Variants in DLC1 observed in about 807,000 individuals in gnomAD.
DLC1 encodes rho GTPase-activating protein 7.
A neutral mutation model predicts 140.3 loss-of-function variants in DLC1; 54 were observed. The observed-to-expected ratio is 0.38, with a 90% CI of 0.31 to 0.48. The LOEUF (loss-of-function observed/expected upper bound fraction) is 0.48, where lower values mean the gene tolerates loss of function less well. DLC1 is among the 20% of genes least tolerant of loss of function. The pLI is 0.96. For synonymous variants in DLC1, 986 were observed against 728.1 expected (o/e 1.35, Z -5.70); for missense variants, 2,536 against 1,907.0 (o/e 1.33, Z -6.14).
At chr8:13,412,804 A>T (rs1021728716) in intron 2 of DLC1, among the ~76,000 whole-genome samples, 2 of 151,450 alleles carry the variant, frequency 1.3e-5, no homozygotes, top group African/African-American at 2.4e-5. Context: ...TGGTGGTGGG[A>T]GCCTGTAGTC....
chr8:13,506,013 G>C (rs1042214507), intron 1 of DLC1, among the ~76,000 whole-genome samples: 3 of 152,000 alleles, frequency 2.0e-5, no homozygotes, highest in Non-Finnish European at 4.4e-5. Context: ...TCAAATGCAG[G>C]TATCTTATTT....
intron 5 of DLC1, among the ~76,000 whole-genome samples, chr8:13,223,408 C>A (rs1047023037): frequency 2.6e-5 from 4 of 152,136 alleles, no homozygotes; most frequent in African/African-American, 9.7e-5. Flanking sequence ...AATCTGTTTG[C>A]CTCTGTGAAG....
At chr8:13,526,586 G>T (rs1585243083) in intron 1 of DLC1, among the ~76,000 whole-genome samples, 1 of 152,024 alleles carries the variant, frequency 6.6e-6, no homozygotes, top group Non-Finnish European at 1.5e-5. Flanking sequence ...AAAATTCTAT[G>T]CAGCCATAAA....
intron 2 of DLC1, among the ~76,000 whole-genome samples, chr8:13,438,404 T>A (rs1208972870): frequency 6.6e-6 from 1 of 152,308 alleles, no homozygotes; most frequent in East Asian, 1.9e-4. Flanking sequence ...CTTGCATTCT[T>A]TTTTGTTTCT....
At chr8:13,129,294 C>T (rs1420931342) in intron 5 of DLC1, among the ~76,000 whole-genome samples, 2 of 152,200 alleles carry the variant, frequency 1.3e-5, no homozygotes, top group Non-Finnish European at 2.9e-5. Flanking sequence ...GAAATAGAGA[C>T]AGTTGTGAAA....
At chr8:13,164,880 G>T (rs1189338035) in intron 5 of DLC1, among the ~76,000 whole-genome samples, 2 of 152,166 alleles carry the variant, frequency 1.3e-5, no homozygotes, top group African/African-American at 4.8e-5. Context: ...GTTATGAAAT[G>T]GAATCTGAAT....
At chr8:13,363,481 A>T (rs1835337627) in intron 4 of DLC1, among the ~76,000 whole-genome samples, 1 of 152,116 alleles carries the variant, frequency 6.6e-6, no homozygotes, top group South Asian at 2.1e-4. Flanking sequence ...CAGGTCATAA[A>T]GCTGGTGACA....
intron 1 of DLC1, among the ~76,000 whole-genome samples, chr8:13,547,575 A>G (rs957465128): frequency 3.9e-5 from 6 of 152,032 alleles, no homozygotes; most frequent in Non-Finnish European, 7.4e-5. Flanking sequence ...ATTGCTCTCA[A>G]TGTTATAAAG....
intron 4 of DLC1, among the ~76,000 whole-genome samples, chr8:13,306,248 T>C (rs1277610333): frequency 6.6e-6 from 1 of 152,188 alleles, no homozygotes; most frequent in Non-Finnish European, 1.5e-5. Flanking sequence ...TGTTATGATT[T>C]TTAAAAATAG....
intron 5 of DLC1, among the ~76,000 whole-genome samples, chr8:13,220,453 G>A (rs146089319): frequency 2.1e-3 from 316 of 152,226 alleles, no homozygotes; most frequent in African/African-American, 6.8e-3. Flanking sequence ...TCGAAGTAAG[G>A]ATTAATTTAA....
intron 5 of DLC1, among the ~76,000 whole-genome samples, chr8:13,185,095 T>G (rs935435195): frequency 1.3e-5 from 2 of 151,492 alleles, no homozygotes; most frequent in African/African-American, 4.9e-5. Flanking sequence ...AAGTCTGTTT[T>G]ATCAGAGACT....
chr8:13,307,933 T>A (rs1308772747), intron 4 of DLC1, among the ~76,000 whole-genome samples: 1 of 152,216 alleles, frequency 6.6e-6, no homozygotes, highest in Non-Finnish European at 1.5e-5. Context: ...GGTCTTATGA[T>A]AAGACATTTA....
chr8:13,374,306 T>G (rs995623202), intron 4 of DLC1, among the ~76,000 whole-genome samples: 181 of 106,942 alleles, frequency 1.7e-3, no homozygotes, highest in Non-Finnish European at 2.4e-3. Flanking sequence ...TCAAATTCTT[T>G]TTTTTTAATG....
intron 5 of DLC1, among the ~76,000 whole-genome samples, chr8:13,160,017 G>T (rs1328796232): frequency 6.6e-6 from 1 of 152,096 alleles, no homozygotes; most frequent in Non-Finnish European, 1.5e-5. Context: ...AATTAGCCGG[G>T]TGTCCTGGCA....
intron 5 of DLC1, among the ~76,000 whole-genome samples, chr8:13,245,967 G>A (rs1196536604): frequency 2.0e-5 from 3 of 152,148 alleles, no homozygotes; most frequent in Non-Finnish European, 4.4e-5. Context: ...CCCTCAAAGT[G>A]CTGGGATTAC....
At chr8:13,092,534 C>T (rs1030245940) in intron 13 of DLC1, 78 bp downstream of exon 13, 4 of 1,504,706 alleles carry the variant, frequency 2.7e-6, no homozygotes, top group African/African-American at 2.7e-5. Flanking sequence ...AAGAGTCCCA[C>T]AAAACCACAG....
chr8:13,375,058 G>A (rs1268781961), intron 4 of DLC1, among the ~76,000 whole-genome samples: 1 of 137,524 alleles, frequency 7.3e-6, no homozygotes, highest in Non-Finnish European at 1.5e-5. Context: ...GACGGAGTCT[G>A]GCTCTGTCGC....
At chr8:13,579,071 C>T (rs1804949007) in intron 1 of DLC1, among the ~76,000 whole-genome samples, 1 of 151,232 alleles carries the variant, frequency 6.6e-6, no homozygotes, top group East Asian at 2.0e-4. Flanking sequence ...TTGCCTAGGA[C>T]ATTTTAAGGG....
At chr8:13,249,740 T>A (rs537124539) in intron 5 of DLC1, among the ~76,000 whole-genome samples, 1 of 152,088 alleles carries the variant, frequency 6.6e-6, no homozygotes, top group African/African-American at 2.4e-5. Context: ...CAAACCAAAA[T>A]CACAAGAACA....
Sources: allele counts gnomAD v4.1 joint callset (sites outside exome capture counted in the v4.1 genomes callset), GRCh38; gene constraint gnomAD v4.1.1; transcripts MANE v1.5; gene names NCBI Gene and HGNC (gene_info 2026-07-23, HGNC 2026-07-21).